FAIM2: variants seen among roughly 807,000 people sequenced by gnomAD.
FAIM2 encodes the protein Fas apoptotic inhibitory molecule 2, also known as protein lifeguard 2.
In FAIM2, 27 loss-of-function variants were observed where a neutral mutation model predicts 47.4. The observed-to-expected ratio is 0.57, with a 90% CI of 0.42 to 0.78. The LOEUF (loss-of-function observed/expected upper bound fraction) is 0.78, where lower values mean the gene tolerates loss of function less well. Ranked by LOEUF, FAIM2 falls within the 30% of genes least tolerant of loss-of-function variation. The probability of loss-of-function intolerance (pLI) is 0.00; values close to 1 mark genes in which losing one functional copy is unlikely to be tolerated. For synonymous variants in FAIM2, 156 were observed against 159.3 expected, an observed-to-expected ratio of 0.98 and a Z score of 0.16; for missense variants, 311 against 389.4, an observed-to-expected ratio of 0.80 and a Z score of 1.69.
intron 11 of FAIM2, among the ~76,000 whole-genome samples, chr12:49,886,650 G>C (rs1039005701): frequency 4.0e-5 from 6 of 151,836 alleles, no homozygotes; most frequent in Non-Finnish European, 5.9e-5. Context: ...AATTTTTTTT[G>C]TATTTTTAGT....
Position 49,869,321 on chromosome 12 carries a change from AT to A in FAIM2, c.*1182del, listed in dbSNP as rs1339078884. On this transcript the variant is annotated 3_prime_UTR_variant, in exon 12 of 12. Transcript: ENST00000320634. ...TTAGCATCAGCTGGATGGCTTCCAA[AT>A]TGGAGAGATGCAGAGATAAGTGGGG... The A allele has an allele frequency of 6.5e-6, 1 of 153,132 alleles. No individual in the cohort carries two copies. The highest frequency in any genetic ancestry group is 2.4e-5 in the African/African-American group (1 of 41,450). 9.5% of individuals were successfully genotyped at this position (153,132 alleles called of 1,614,324 possible). A position where few individuals can be genotyped will look rare whatever the true frequency, so the allele number is the denominator to read the frequency against.
chr12:49,897,014 G>C lies in FAIM2; in HGVS notation c.434+17C>G. The stretch of plus-strand genomic sequence containing the variant: ...AAGCCTTCTCTGGAAGGGGACTGGG[G>C]ACTGAGATATACTCACTAGGATGCC... On this transcript the variant is annotated intron_variant, in intron 5 of 11. Transcript: ENST00000320634. 1 of 1,603,466 alleles carries C rather than the reference G, an allele frequency of 6.2e-7. No homozygotes were observed. Among genetic ancestry groups the C allele is most frequent in the Non-Finnish European group, 8.5e-7 (1 of 1,170,298 alleles).
In FAIM2 at chr12:49,869,934, C is replaced by A. The variant is rs1946690123; in HGVS notation, c.*570G>T. 6.5e-6 allele frequency: 1 copy of A among 152,828 alleles called. No individual in the cohort carries two copies. The highest frequency in any genetic ancestry group is 2.4e-5 in the African/African-American group (1 of 41,440). 9.5% of individuals were successfully genotyped at this position (152,828 alleles called of 1,614,324 possible). ...GGCCTCCAGGTCCAAATCCCTAGAACAAGCCGCTGGTCCCAGAGCCAAGAG... is the reference window on the plus strand; with the variant it reads ...GGCCTCCAGGTCCAAATCCCTAGAAAAAGCCGCTGGTCCCAGAGCCAAGAG... On this transcript the variant is annotated 3_prime_UTR_variant, in exon 12 of 12. Coordinates refer to ENST00000320634, the MANE Select transcript of FAIM2 (RefSeq NM_012306.4).
At chr12:49,879,420 GTA>G (rs1009161620) in intron 11 of FAIM2, among the ~76,000 whole-genome samples, 11 of 148,054 alleles carry the variant, frequency 7.4e-5, no homozygotes, top group Admixed American at 2.1e-4. Flanking sequence ...GCATGTGAGT[GTA>G]TGTGTGTATG....
chr12:49,899,651 C>T lies in FAIM2; in HGVS notation c.211+1479G>A, dbSNP rs1043664571. Among the ~76,000 whole-genome samples, 6 of 152,194 alleles carry T rather than the reference C, an allele frequency of 3.9e-5. No homozygotes were observed. In the East Asian group the frequency reaches 7.7e-4, roughly 20 times the overall value. On this transcript the variant is annotated intron_variant, in intron 2 of 11. Coordinates refer to ENST00000320634, the MANE Select transcript of FAIM2 (RefSeq NM_012306.4). ...ATCCTTTGGGACTCAGTGTGGATAC[C>T]GCTTCTTCCAGGAAGCCTTCCCTGA... is the stretch of plus-strand genomic sequence containing the variant.
chr12:49,870,380 C>A lies in FAIM2; in HGVS notation c.*124G>T. 2.2e-6 allele frequency: 2 copies of A among 905,164 alleles called. No individual in the cohort carries two copies. The highest frequency in any genetic ancestry group is 3.5e-6 in the Non-Finnish European group (2 of 576,494). 56.1% of individuals were successfully genotyped at this position (905,164 alleles called of 1,614,324 possible). ...GAGGGCTGGGCTGGGCTGGGGTAGA[C>A]AGTGACCTGGCCACAGGCTGGGTTG... is the stretch of plus-strand genomic sequence containing the variant. On this transcript the variant is annotated 3_prime_UTR_variant, in exon 12 of 12. Coordinates refer to ENST00000320634, the MANE Select transcript of FAIM2 (RefSeq NM_012306.4).
intron 11 of FAIM2, among the ~76,000 whole-genome samples, chr12:49,880,303 T>C (rs898436431): frequency 1.3e-5 from 2 of 148,986 alleles, no homozygotes; most frequent in Non-Finnish European, 3.0e-5. Flanking sequence ...TCTGTGTATG[T>C]GCATGTGTGT....
intron 1 of FAIM2, 37 bp from the exon 2 acceptor site, chr12:49,901,362 G>T: frequency 6.9e-7 from 1 of 1,455,526 alleles, no homozygotes; most frequent in Non-Finnish European, 9.1e-7. Flanking sequence ...TAGTCACCAG[G>T]GAAAGGGAGC....
In FAIM2 at chr12:49,878,557, TGA is replaced by T. The variant is rs879556151; in HGVS notation, c.802-7906_802-7905del. On this transcript the variant is annotated intron_variant, in intron 11 of 11. Coordinates refer to ENST00000320634, the MANE Select transcript of FAIM2 (RefSeq NM_012306.4). ...GCATGTGTATATGTGCGTGCATGTG[TGA>T]GTGTATATGTTCATGTGTATATGTA... 1.2e-4 allele frequency among the ~76,000 whole-genome samples: 7 copies of T among 60,232 alleles called. 2 individuals carry two copies. Among genetic ancestry groups the T allele is most frequent in the Admixed American group, 1.9e-4 (1 of 5,364 alleles). 39.5% of individuals were successfully genotyped at this position (60,232 alleles called of 152,430 possible). A position where few individuals can be genotyped will look rare whatever the true frequency, so the allele number is the denominator to read the frequency against.
chr12:49,890,095 T>G (rs1470631690), intron 8 of FAIM2, 22 bp downstream of exon 8: 1 of 1,612,964 alleles, frequency 6.2e-7, no homozygotes, highest in Admixed American at 1.7e-5. Flanking sequence ...GGTCCTTCTC[T>G]CCTTCCACCT....
Position 49,876,628 on chromosome 12 carries a change from C to T in FAIM2, c.802-5975G>A, listed in dbSNP as rs184392278. On this transcript the variant is annotated intron_variant, in intron 11 of 11. Transcript: ENST00000320634. Reference sequence around the variant, plus strand: ...AAAAAAAAAAATACAGAAAATTAGCCGGGCGTGGTGGTGCACGCCTGTAGT... The same window carrying T: ...AAAAAAAAAAATACAGAAAATTAGCTGGGCGTGGTGGTGCACGCCTGTAGT... Among the ~76,000 whole-genome samples the T allele has an allele frequency of 7.2e-5, 11 of 151,866 alleles. No individual in the cohort carries two copies. In the East Asian group the frequency reaches 1.6e-3, roughly 21 times the overall value.
chr12:49,880,654 G>T (rs1042572883), intron 11 of FAIM2, among the ~76,000 whole-genome samples: 3 of 151,790 alleles, frequency 2.0e-5, no homozygotes. Context: ...GTGTATCTGT[G>T]AGTGCATGTG....
At chr12:49,891,336 A>G (rs1439983381) in intron 5 of FAIM2, among the ~76,000 whole-genome samples, 1 of 152,198 alleles carries the variant, frequency 6.6e-6, no homozygotes, top group Non-Finnish European at 1.5e-5. Flanking sequence ...GAAACAGGGA[A>G]TCTTGGGTCA....
chr12:49,875,965 G>C (rs1946733686), intron 11 of FAIM2, among the ~76,000 whole-genome samples: 1 of 152,128 alleles, frequency 6.6e-6, no homozygotes, highest in South Asian at 2.1e-4. Context: ...GACAGAGTGA[G>C]ACTCCATCTC....
chr12:49,885,314 T>C (rs1389218411), intron 11 of FAIM2, among the ~76,000 whole-genome samples: 1 of 152,098 alleles, frequency 6.6e-6, no homozygotes, highest in African/African-American at 2.4e-5. Flanking sequence ...CCCCCATGGG[T>C]GCTCACTGCC....
intron 5 of FAIM2, among the ~76,000 whole-genome samples, chr12:49,892,134 G>A (rs1198284892): frequency 1.3e-5 from 2 of 152,050 alleles, no homozygotes; most frequent in African/African-American, 2.4e-5. Flanking sequence ...GTCTGCCTCC[G>A]GTGCTCCAGA....
At chr12:49,899,577 A>G (rs987417055) in intron 2 of FAIM2, among the ~76,000 whole-genome samples, 3 of 152,128 alleles carry the variant, frequency 2.0e-5, no homozygotes, top group Non-Finnish European at 4.4e-5. Context: ...CTATTCTTTC[A>G]GCCTTAAACA....
intron 10 of FAIM2, 113 bp from the exon 11 acceptor site, chr12:49,887,552 C>T: frequency 1.1e-6 from 1 of 920,066 alleles, no homozygotes; most frequent in Admixed American, 2.1e-5. Context: ...CTGCCCAGAG[C>T]TCCCTAAGGA....
chr12:49,884,233 A>C (rs1329279633), intron 11 of FAIM2, among the ~76,000 whole-genome samples: 1 of 70,982 alleles, frequency 1.4e-5, no homozygotes, highest in African/African-American at 6.3e-5. Context: ...CAGAAAAAAA[A>C]AAAAACAAAA....
Sources: gnomAD v4.1 joint callset for allele counts (sites outside exome capture counted in the v4.1 genomes callset) on GRCh38, gnomAD v4.1.1 for gene constraint, MANE v1.5 for transcripts, NCBI Gene and HGNC (gene_info 2026-07-23, HGNC 2026-07-21) for gene names.